CRBN: variants seen among roughly 807,000 people sequenced by gnomAD.
The protein encoded by CRBN is protein cereblon.
A neutral mutation model predicts 62.2 loss-of-function variants in CRBN; 53 were observed. The ratio of observed to expected loss-of-function variants is 0.85; its 90% CI spans 0.68 to 1.07. The LOEUF is 1.07. Among genes scored for constraint, CRBN ranks in the 50% least tolerant of loss-of-function variants. The probability of loss-of-function intolerance (pLI) is 0.00; values close to 1 mark genes in which losing one functional copy is unlikely to be tolerated. For missense variants in CRBN, 616 were observed against 531.1 expected (o/e 1.16, Z -1.57); for synonymous variants, 208 against 176.1 (o/e 1.18, Z -1.43).
In CRBN at chr3:3,150,816, C is replaced by G. The variant is rs757149863; in HGVS notation, c.*49G>C. The G allele has an allele frequency of 3.2e-6, 5 of 1,563,244 alleles. No homozygotes were observed. Among genetic ancestry groups the G allele is most frequent in the Non-Finnish European group, 4.4e-6 (5 of 1,144,266 alleles). ...AGAGGCAATAATTTCCAAAGCAGAT[C>G]TTAGAATATAACCAATTTGTTAGAT... On this transcript the variant is annotated 3_prime_UTR_variant, in exon 11 of 11. Coordinates refer to ENST00000231948, the MANE Select transcript of CRBN (RefSeq NM_016302.4).
intron 5 of CRBN, among the ~76,000 whole-genome samples, chr3:3,165,038 C>T (rs768391996): frequency 1.3e-4 from 20 of 152,188 alleles, no homozygotes; most frequent in East Asian, 1.9e-4. Flanking sequence ...TCATGGATGA[C>T]GATTTTGAGG....
At chr3:3,172,666 A>G (rs1311027058) in intron 4 of CRBN, 110 bp downstream of exon 4, 1 of 1,116,700 alleles carries the variant, frequency 9.0e-7, no homozygotes, top group African/African-American at 1.5e-5. Flanking sequence ...GAAAGAGAAC[A>G]ACTAGTTAAA....
rs1290411886 is a variant in CRBN at position 3,152,594 on chromosome 3, CA to C, written c.1017-8del. 3.1e-6 allele frequency: 5 copies of C among 1,613,734 alleles called. No individual in the cohort carries two copies. In the African/African-American group the frequency reaches 6.7e-5, roughly 22 times the overall value. ...CGGCCCACATAAGGATAAACTAAAA[CA>C]AAGAATCAACATGGAGAACACGTCA... On this transcript the variant is annotated splice_region_variant and splice_polypyrimidine_tract_variant and intron_variant, in intron 9 of 10. Coordinates refer to ENST00000231948, the MANE Select transcript of CRBN (RefSeq NM_016302.4).
At chr3:3,152,336 C>A (rs1706623726) in intron 10 of CRBN, 120 bp downstream of exon 10, 1 of 1,114,332 alleles carries the variant, frequency 9.0e-7, no homozygotes, top group East Asian at 2.4e-5. Flanking sequence ...TAGCAAATTA[C>A]TCATTTGTCT....
intron 5 of CRBN, among the ~76,000 whole-genome samples, chr3:3,161,151 C>T (rs2126059963): frequency 6.6e-6 from 1 of 152,238 alleles, no homozygotes; most frequent in East Asian, 1.9e-4. Context: ...GTTTGACACA[C>T]CACACCAAAA....
At chr3:3,157,641 C>T (rs930575486) in intron 5 of CRBN, among the ~76,000 whole-genome samples, 1 of 152,102 alleles carries the variant, frequency 6.6e-6, no homozygotes, top group Admixed American at 6.5e-5. Context: ...CGTGGGAACA[C>T]AGCACACATA....
chr3:3,154,682 C>T, intron 7 of CRBN, 65 bp downstream of exon 7: 2 of 852,322 alleles, frequency 2.3e-6, no homozygotes, highest in Non-Finnish European at 2.1e-6. Flanking sequence ...GGATCGCATC[C>T]ATGAAAAAGC....
Position 3,172,879 on chromosome 3 carries a change from A to G in CRBN, c.424T>C (p.Tyr142His), listed in dbSNP as rs748992981. 5 of 1,613,668 alleles carry G rather than the reference A, an allele frequency of 3.1e-6. No individual in the cohort carries two copies. The highest frequency in any genetic ancestry group is 1.7e-5 in the Admixed American group (1 of 60,024). The change falls in exon 4 of 11, where the codon TAT (tyrosine) becomes CAT (histidine). Residue 142 changes from tyrosine to histidine, a missense_variant. Physicochemically the swap from Tyr to His is moderately conservative, Grantham distance 83. Transcript: ENST00000231948. ...EAQFGTTAEI[Y>H]AYREEQDFGI... is the part of the protein sequence containing the mutation. ...AAATCCTGTTCTTCTCGATAGGCAT[A>G]TATCTCTGCTGTTGTTCCAAACTGT...
intron 5 of CRBN, 127 bp from the exon 6 acceptor site, chr3:3,156,408 T>C (rs1706895263): frequency 1.3e-6 from 1 of 781,048 alleles, no homozygotes; most frequent in South Asian, 1.6e-5. Flanking sequence ...TAAAAAATTT[T>C]GTAGATAATC....
chr3:3,173,654 G>A (rs1373110640), intron 3 of CRBN, among the ~76,000 whole-genome samples: 2 of 151,996 alleles, frequency 1.3e-5, no homozygotes, highest in Non-Finnish European at 2.9e-5. Context: ...AATTTAAAGT[G>A]GTACAACCTA....
intron 8 of CRBN, chr3:3,153,690 A>G (rs1455665242): frequency 8.1e-6 from 5 of 617,112 alleles, no homozygotes; most frequent in Non-Finnish European, 1.5e-5. Flanking sequence ...TTTACATAAA[A>G]CTAAATGACC....
In CRBN at chr3:3,179,683, G is replaced by T; in HGVS notation, c.5C>A (p.Ala2Asp). 1 of 1,613,118 alleles carries T rather than the reference G, an allele frequency of 6.2e-7. No individual in the cohort carries two copies. The highest frequency in any genetic ancestry group is 8.5e-7 in the Non-Finnish European group (1 of 1,179,464). The change falls in exon 1 of 11, where the codon GCC becomes GAC. Residue 2 changes from alanine (A) to aspartate (D), a missense_variant. Physicochemically the swap from Ala to Asp is moderately radical, Grantham distance 126. Transcript: ENST00000231948. Reference protein sequence around the residue: MAGEGDQQDAAH... With the variant: MDGEGDQQDAAH... ...AGCGTCCTGCTGATCTCCTTCGCCG[G>T]CCATGTCTGTTTACCCGCAAAGGAG...
At chr3:3,157,986 C>A (rs759683274) in intron 5 of CRBN, among the ~76,000 whole-genome samples, 2 of 152,118 alleles carry the variant, frequency 1.3e-5, no homozygotes, top group African/African-American at 4.8e-5. Context: ...TAAAACACGA[C>A]CTACAGCTCA....
chr3:3,169,437 A>T (rs529759585), intron 4 of CRBN, among the ~76,000 whole-genome samples: 2 of 150,854 alleles, frequency 1.3e-5, no homozygotes, highest in Non-Finnish European at 3.0e-5. Context: ...TTAAGTTGAG[A>T]CATAAACTGC....
chr3:3,166,676 G>C (rs1259714429), intron 5 of CRBN, among the ~76,000 whole-genome samples: 1 of 152,076 alleles, frequency 6.6e-6, no homozygotes, highest in African/African-American at 2.4e-5. Flanking sequence ...AAGTCTTATA[G>C]ATACCTGGTT....
intron 10 of CRBN, among the ~76,000 whole-genome samples, chr3:3,151,937 A>G (rs1449666647): frequency 6.6e-6 from 1 of 152,238 alleles, no homozygotes; most frequent in Non-Finnish European, 1.5e-5. Context: ...ACTACAGAAT[A>G]TGGTCCAGAT....
chr3:3,173,269 G>T (rs1476291686), intron 3 of CRBN, among the ~76,000 whole-genome samples: 1 of 152,018 alleles, frequency 6.6e-6, no homozygotes, highest in East Asian at 1.9e-4. Flanking sequence ...TGTTGGTCAG[G>T]CTGGTCTCAA....
At chr3:3,160,819 A>T (rs548443219) in intron 5 of CRBN, among the ~76,000 whole-genome samples, 1 of 152,214 alleles carries the variant, frequency 6.6e-6, no homozygotes, top group African/African-American at 2.4e-5. Context: ...AAGCAGACCA[A>T]AAGAGAAGAA....
At chr3:3,169,954 C>G (rs867542159) in intron 4 of CRBN, among the ~76,000 whole-genome samples, 22 of 152,194 alleles carry the variant, frequency 1.4e-4, no homozygotes, top group African/African-American at 5.1e-4. Context: ...CTCCCCAACC[C>G]ACACACACTC....
Sources: gnomAD v4.1 joint callset for allele counts (sites outside exome capture counted in the v4.1 genomes callset) on GRCh38, gnomAD v4.1.1 for gene constraint, MANE v1.5 for transcripts, NCBI Gene and HGNC (gene_info 2026-07-23, HGNC 2026-07-21) for gene names.